The following PCDH15 variants were observed in gnomAD, a reference collection of about 807,000 sequenced individuals.
PCDH15 encodes the protein protocadherin related 15, also known as protocadherin-15.
PCDH15 carries 129 observed loss-of-function variants against 178.5 expected under a neutral mutation model. That is an observed-to-expected ratio of 0.72 (90% CI 0.63 to 0.84). PCDH15 has a LOEUF of 0.84. Ranked by LOEUF, PCDH15 falls within the 40% of genes least tolerant of loss-of-function variation. PCDH15 has a pLI of 0.00. For synonymous variants in PCDH15, 800 were observed against 732.0 expected (o/e 1.09, Z -1.50); for missense variants, 2,230 against 2,099.9 (o/e 1.06, Z -1.21).
chr10:53,866,757 G>A lies in PCDH15; in HGVS notation c.3602C>T (p.Thr1201Ile). 5 of 1,612,958 alleles carry A rather than the reference G, an allele frequency of 3.1e-6. No homozygotes were observed. Among genetic ancestry groups the A allele is most frequent in the Non-Finnish European group, 3.4e-6 (4 of 1,179,176 alleles). ...GAGCATAGCAGTTTTGATAAGCCCT[G>A]TATATGTTTCCACTACAAATCCTTC... is the stretch of plus-strand genomic sequence containing the variant. ...GKEGFVVETYTGLIKTAMLFH... is the reference protein window; with the variant it reads ...GKEGFVVETYIGLIKTAMLFH... Residue 1201 changes from threonine to isoleucine, a missense_variant, in exon 27 of 38, where the codon ACA (threonine) becomes ATA (isoleucine). Physicochemically the swap from Thr to Ile is moderately conservative, Grantham distance 89. Coordinates refer to ENST00000644397, the MANE Select transcript of PCDH15 (RefSeq NM_001384140.1).
chr10:54,782,135 C>G (rs1950418533), intron 1 of PCDH15, among the ~76,000 whole-genome samples: 1 of 151,984 alleles, frequency 6.6e-6, no homozygotes, highest in Non-Finnish European at 1.5e-5. Context: ...ATTTAGTAAC[C>G]TACTGTGAAA....
chr10:54,944,473 G>T (rs908682255), intron 2 of PCDH15, among the ~76,000 whole-genome samples: 10 of 151,998 alleles, frequency 6.6e-5, no homozygotes, highest in African/African-American at 2.2e-4. Flanking sequence ...CAACTAAAGG[G>T]CAGTCAGAGG....
chr10:54,388,283 A>T (rs1253028306), intron 3 of PCDH15, among the ~76,000 whole-genome samples: 1 of 152,206 alleles, frequency 6.6e-6, no homozygotes, highest in Non-Finnish European at 1.5e-5. Flanking sequence ...TCAGAACAAT[A>T]GTTGAGTTTC....
In PCDH15 at chr10:54,419,239, T is replaced by TACATACACAC. The variant is rs1554962296; in HGVS notation, c.158-40307_158-40298dup. On this transcript the variant is annotated intron_variant, in intron 3 of 37. Transcript: ENST00000644397. ...GAATCCACATATACATATACATATA[T>TACATACACAC]ACATACACACACACACACACATTCA... Among the ~76,000 whole-genome samples the TACATACACAC allele has an allele frequency of 7.5e-3, 625 of 83,192 alleles. 4 individuals carry two copies. The highest frequency in any genetic ancestry group is 0.038 in the African/African-American group (589 of 15,496). 54.6% of individuals were successfully genotyped at this position (83,192 alleles called of 152,430 possible). A position where few individuals can be genotyped will look rare whatever the true frequency, so the allele number is the denominator to read the frequency against.
intron 2 of PCDH15, among the ~76,000 whole-genome samples, chr10:54,967,671 A>C (rs543005421): frequency 1.3e-5 from 2 of 152,270 alleles, no homozygotes; most frequent in South Asian, 2.1e-4. Flanking sequence ...ATTGTTATGA[A>C]CCTTCCTATA....
chr10:53,807,331 A>ATGTT (rs1460389297), intron 37 of PCDH15, among the ~76,000 whole-genome samples: 5 of 152,144 alleles, frequency 3.3e-5, no homozygotes, highest in East Asian at 1.9e-4. Context: ...TTTCTTATTA[A>ATGTT]TGTTTGAAAA....
intron 15 of PCDH15, among the ~76,000 whole-genome samples, chr10:54,120,007 G>T (rs1048197276): frequency 1.3e-5 from 2 of 151,950 alleles, no homozygotes; most frequent in African/African-American, 4.8e-5. Flanking sequence ...CTACTTAAAG[G>T]CAGATAGAGA....
At chr10:53,962,591 G>A (rs1289606473) in intron 21 of PCDH15, among the ~76,000 whole-genome samples, 4 of 152,070 alleles carry the variant, frequency 2.6e-5, no homozygotes, top group South Asian at 4.1e-4. Flanking sequence ...ACCACTTGCC[G>A]GAACCACATT....
At chr10:54,539,929 T>C (rs1176545394) in intron 2 of PCDH15, among the ~76,000 whole-genome samples, 1 of 152,022 alleles carries the variant, frequency 6.6e-6, no homozygotes, top group Non-Finnish European at 1.5e-5. Flanking sequence ...AAGGCAGAAA[T>C]TTTAAAAAAT....
intron 26 of PCDH15, among the ~76,000 whole-genome samples, chr10:53,887,356 A>G (rs772556251): frequency 2.6e-5 from 4 of 152,246 alleles, no homozygotes; most frequent in East Asian, 1.9e-4. Context: ...ATGCTAACCA[A>G]TAAGAAAAAT....
intron 2 of PCDH15, chr10:54,619,426 C>G (rs2093286124): frequency 2.0e-5 from 3 of 152,146 alleles, no homozygotes; most frequent in Admixed American, 2.0e-4. Flanking sequence ...TGAGATAAGT[C>G]TCAAAGGCTG....
chr10:55,168,854 T>C (rs1197599554), intron 1 of PCDH15, among the ~76,000 whole-genome samples: 1 of 152,178 alleles, frequency 6.6e-6, no homozygotes, highest in Non-Finnish European at 1.5e-5. Context: ...ATTACTTAAA[T>C]GCTGACTTTT....
chr10:53,851,497 C>T (rs1158597252), intron 28 of PCDH15, among the ~76,000 whole-genome samples: 1 of 151,012 alleles, frequency 6.6e-6, no homozygotes, highest in African/African-American at 2.4e-5. Flanking sequence ...TGGCCCAAGA[C>T]TTCCTAGCTA....
At chr10:55,602,947 G>A (rs1392086435) in intron 2 of PCDH15, among the ~76,000 whole-genome samples, 1 of 152,052 alleles carries the variant, frequency 6.6e-6, no homozygotes, top group Admixed American at 6.6e-5. Context: ...TCTGAGCTAC[G>A]GGAGGAAATT....
intron 2 of PCDH15, among the ~76,000 whole-genome samples, chr10:54,641,944 T>C (rs2093999866): frequency 6.6e-6 from 1 of 152,122 alleles, no homozygotes; most frequent in South Asian, 2.1e-4. Context: ...CTAACAAACC[T>C]TGGTCTCTAC....
At chr10:53,811,430 TATACTAGTGAGATCGACA>T (rs2075860546) in intron 36 of PCDH15, 101 bp downstream of exon 36, 1 of 563,346 alleles carries the variant, frequency 1.8e-6, no homozygotes, top group South Asian at 3.5e-5. Context: ...TTTCAAGTAT[TATACTAGTGAGATCGACA>T]TGACATTAAA....
chr10:54,779,123 C>T lies in PCDH15; in HGVS notation c.-29+21802G>A, dbSNP rs1047225880. 7.9e-5 allele frequency among the ~76,000 whole-genome samples: 12 copies of T among 151,932 alleles called. No individual in the cohort carries two copies. In the East Asian group the frequency reaches 2.3e-3, roughly 30 times the overall value. On this transcript the variant is annotated intron_variant, in intron 1 of 37. Coordinates refer to ENST00000644397, the MANE Select transcript of PCDH15 (RefSeq NM_001384140.1). The stretch of plus-strand genomic sequence containing the variant: ...CTATAAAAACAAAATAGGCCTCACT[C>T]CACTTTTCTAAGGCAAGATTCTAGG...
chr10:55,293,267 G>A (rs955224863), intron 1 of PCDH15, among the ~76,000 whole-genome samples: 1 of 152,122 alleles, frequency 6.6e-6, no homozygotes, highest in African/African-American at 2.4e-5. Context: ...TCACTAGGTT[G>A]CACATAGCAT....
At chr10:54,982,558 C>G (rs536328673) in intron 2 of PCDH15, among the ~76,000 whole-genome samples, 22 of 152,082 alleles carry the variant, frequency 1.4e-4, no homozygotes, top group Non-Finnish European at 2.4e-4. Context: ...GATTAAAATT[C>G]AGGTTCACCT....
Sources: gnomAD v4.1 joint callset for allele counts (sites outside exome capture counted in the v4.1 genomes callset) on GRCh38, gnomAD v4.1.1 for gene constraint, MANE v1.5 for transcripts, NCBI Gene and HGNC (gene_info 2026-07-23, HGNC 2026-07-21) for gene names.